The following FAM168A variants were observed in gnomAD, a reference collection of about 807,000 sequenced individuals.
FAM168A encodes protein FAM168A.
In FAM168A, 3 loss-of-function variants were observed where a neutral mutation model predicts 28.5. That is an observed-to-expected ratio of 0.11 (90% CI 0.05 to 0.27). FAM168A has a LOEUF of 0.27. FAM168A is among the 10% of genes least tolerant of loss of function. The pLI is 1.00. For missense variants in FAM168A, 222 were observed against 311.5 expected, an observed-to-expected ratio of 0.71 and a Z score of 2.16; for synonymous variants, 122 against 124.2, an observed-to-expected ratio of 0.98 and a Z score of 0.12.
At chr11:73,588,852 G>A (rs533969990) in intron 1 of FAM168A, among the ~76,000 whole-genome samples, 1 of 152,228 alleles carries the variant, frequency 6.6e-6, no homozygotes, top group South Asian at 2.1e-4. Context: ...AGGTCATGAG[G>A]GTGGGGCTGC....
Position 73,401,080 on chromosome 11 carries a change from T to TTATTATTATTA in FAM168A, c.*5682_*5683insTAATAATAATA, listed in dbSNP as rs1866396724. The TTATTATTATTA allele has an allele frequency of 6.8e-6, 1 of 146,584 alleles. No homozygotes were observed. Among genetic ancestry groups the TTATTATTATTA allele is most frequent in the African/African-American group, 2.5e-5 (1 of 40,222 alleles). The allele number at this position is 146,584 out of a possible 1,614,324, so 9.1% of individuals were successfully genotyped here. A position where few individuals can be genotyped will look rare whatever the true frequency, so the allele number is the denominator to read the frequency against. ...CTACTTGGAAGACACTGGTCAAAGGTTTATTATTATTATTATTATTATTAT... is the reference window on the plus strand; with the variant it reads ...CTACTTGGAAGACACTGGTCAAAGGTTATTATTATTATTATTATTATTATTATTATTATTAT... On this transcript the variant is annotated 3_prime_UTR_variant, in exon 8 of 8. Coordinates refer to ENST00000356467, the MANE Select transcript of FAM168A (RefSeq NM_015159.3).
intron 1 of FAM168A, among the ~76,000 whole-genome samples, chr11:73,469,199 T>C (rs973901291): frequency 1.3e-5 from 2 of 152,246 alleles, no homozygotes; most frequent in African/African-American, 4.8e-5. Flanking sequence ...CTCTGTTAAT[T>C]ATCTTAATGA....
chr11:73,576,903 G>A (rs1180650559), intron 1 of FAM168A, among the ~76,000 whole-genome samples: 1 of 151,424 alleles, frequency 6.6e-6, no homozygotes, highest in African/African-American at 2.4e-5. Context: ...ACAGAGCAAT[G>A]AGAATTGATG....
At chr11:73,415,415 T>C (rs1866679463) in intron 4 of FAM168A, among the ~76,000 whole-genome samples, 1 of 152,178 alleles carries the variant, frequency 6.6e-6, no homozygotes, top group Non-Finnish European at 1.5e-5. Context: ...AGGTTACCAT[T>C]TGTCAGGAGG....
chr11:73,569,204 T>C (rs1034496863), intron 1 of FAM168A, among the ~76,000 whole-genome samples: 1 of 152,174 alleles, frequency 6.6e-6, no homozygotes, highest in Non-Finnish European at 1.5e-5. Context: ...AAGCATAGGA[T>C]ATAAAAATAA....
At chr11:73,457,746 A>AAAAAAAG (rs1555022721) in intron 2 of FAM168A, among the ~76,000 whole-genome samples, 1 of 138,420 alleles carries the variant, frequency 7.2e-6, no homozygotes, top group African/African-American at 3.0e-5. Flanking sequence ...AAAAAAAAAA[A>AAAAAAAG]AAAAGAAAAG....
chr11:73,555,269 T>C (rs545415343), intron 1 of FAM168A, among the ~76,000 whole-genome samples: 2 of 152,258 alleles, frequency 1.3e-5, no homozygotes, highest in East Asian at 3.9e-4. Flanking sequence ...GCCAAGCAGC[T>C]ATACATGAGT....
chr11:73,559,411 C>T (rs896111769), intron 1 of FAM168A, among the ~76,000 whole-genome samples: 6 of 151,938 alleles, frequency 3.9e-5, no homozygotes, highest in African/African-American at 9.7e-5. Context: ...CAAGATCATA[C>T]CACTGCACTC....
intron 1 of FAM168A, among the ~76,000 whole-genome samples, chr11:73,540,103 T>G (rs536372248): frequency 1.3e-5 from 2 of 152,214 alleles, no homozygotes; most frequent in African/African-American, 4.8e-5. Context: ...AACACTTTCT[T>G]ATTTCAACAC....
chr11:73,432,527 G>A (rs1223187875), intron 2 of FAM168A, among the ~76,000 whole-genome samples: 1 of 152,070 alleles, frequency 6.6e-6, no homozygotes, highest in Admixed American at 6.6e-5. Flanking sequence ...TTTCCCTAAC[G>A]ACTAACGATA....
At chr11:73,511,293 A>G (rs532405968) in intron 1 of FAM168A, among the ~76,000 whole-genome samples, 1 of 151,328 alleles carries the variant, frequency 6.6e-6, no homozygotes, top group East Asian at 1.9e-4. Context: ...GCTGGAGTGC[A>G]GTGTGCGATC....
intron 4 of FAM168A, chr11:73,412,208 C>G (rs776117150): frequency 1.3e-5 from 2 of 148,366 alleles, no homozygotes; most frequent in African/African-American, 2.6e-5. Context: ...ATTCAGAGAT[C>G]GTCATCTTCT....
At chr11:73,587,174 A>AC (rs1174575255) in intron 1 of FAM168A, among the ~76,000 whole-genome samples, 2 of 150,656 alleles carry the variant, frequency 1.3e-5, no homozygotes, top group African/African-American at 4.9e-5. Flanking sequence ...AAAAAAAAAA[A>AC]AAAACTAAGT....
intron 1 of FAM168A, among the ~76,000 whole-genome samples, chr11:73,523,545 C>G (rs1943412002): frequency 1.3e-5 from 2 of 152,096 alleles, no homozygotes; most frequent in Non-Finnish European, 2.9e-5. Context: ...GCAGCAATCC[C>G]CTATCTTACC....
intron 1 of FAM168A, among the ~76,000 whole-genome samples, chr11:73,573,733 G>C (rs1021605063): frequency 2.0e-5 from 3 of 151,600 alleles, no homozygotes; most frequent in East Asian, 3.9e-4. Context: ...GAAGACAGGA[G>C]GTTGGCTGGA....
At chr11:73,562,296 T>C (rs916148227) in intron 1 of FAM168A, among the ~76,000 whole-genome samples, 2 of 152,224 alleles carry the variant, frequency 1.3e-5, no homozygotes, top group Non-Finnish European at 2.9e-5. Flanking sequence ...ACCCTCATCA[T>C]AAATGAGGAT....
intron 1 of FAM168A, among the ~76,000 whole-genome samples, chr11:73,581,835 C>T (rs1391416987): frequency 6.6e-6 from 1 of 152,122 alleles, no homozygotes; most frequent in Non-Finnish European, 1.5e-5. Context: ...TATCCTGCCT[C>T]AGCCTCCTGA....
At chr11:73,433,076 CTTTTTTTTTTTTTTTTT>C (rs34994742) in intron 2 of FAM168A, among the ~76,000 whole-genome samples, 2 of 80,592 alleles carry the variant, frequency 2.5e-5, no homozygotes, top group African/African-American at 1.4e-4. Flanking sequence ...CACGCCCCGC[CTTTTTTTTTTTTTTTTT>C]TTTTTTTTTT....
intron 1 of FAM168A, among the ~76,000 whole-genome samples, chr11:73,523,305 A>C (rs996406042): frequency 6.6e-6 from 1 of 152,078 alleles, no homozygotes; most frequent in Non-Finnish European, 1.5e-5. Flanking sequence ...AGGAAGGCAT[A>C]ATGATCATTT....
Sources: allele counts gnomAD v4.1 joint callset (sites outside exome capture counted in the v4.1 genomes callset), GRCh38; gene constraint gnomAD v4.1.1; transcripts MANE v1.5; gene names NCBI Gene and HGNC (gene_info 2026-07-23, HGNC 2026-07-21).